The following AKAP10 variants were observed in gnomAD, a reference collection of about 807,000 sequenced individuals.
The protein encoded by AKAP10 is A-kinase anchoring protein 10.
Under a neutral mutation model 80.8 loss-of-function variants are expected in AKAP10, and 24 were observed. That is an observed-to-expected ratio of 0.30 (90% CI 0.22 to 0.42). AKAP10 has a LOEUF of 0.42. AKAP10 is among the 10% of genes least tolerant of loss of function. AKAP10 has a pLI of 1.00. For missense variants in AKAP10, 661 were observed against 794.9 expected, an observed-to-expected ratio of 0.83 and a Z score of 2.03; for synonymous variants, 291 against 277.7, an observed-to-expected ratio of 1.05 and a Z score of -0.48.
At chr17:19,915,078 G>T (rs1448521305) in intron 12 of AKAP10, among the ~76,000 whole-genome samples, 1 of 152,188 alleles carries the variant, frequency 6.6e-6, no homozygotes, top group Admixed American at 6.5e-5. Context: ...ATATTGAAAA[G>T]TAAAAGGCAC....
chr17:19,948,807 G>C (rs141452051), intron 4 of AKAP10, among the ~76,000 whole-genome samples: 1 of 152,208 alleles, frequency 6.6e-6, no homozygotes, highest in East Asian at 1.9e-4. Flanking sequence ...TTTGGGACCT[G>C]ACCATTGGCC....
intron 9 of AKAP10, among the ~76,000 whole-genome samples, chr17:19,935,633 ATTTG>A (rs1232647237): frequency 1.3e-5 from 2 of 151,444 alleles, no homozygotes; most frequent in Admixed American, 6.6e-5. Context: ...TTCTTTTTAA[ATTTG>A]TTTGTTAAAA....
In AKAP10 at chr17:19,941,960, T is replaced by A. The variant is rs759760107; in HGVS notation, c.977-50A>T. 4.5e-6 allele frequency: 7 copies of A among 1,540,762 alleles called. 1 individual carries two copies. In the South Asian group the frequency reaches 7.2e-5, roughly 16 times the overall value. On this transcript the variant is annotated intron_variant, in intron 5 of 14. Coordinates refer to ENST00000225737, the MANE Select transcript of AKAP10 (RefSeq NM_007202.4). ...AAATTGCCACTAAATTCAAACTATG[T>A]ATACACACTTGTGAATCAACTTGGG...
chr17:19,924,417 G>A lies in AKAP10; in HGVS notation c.1742C>T (p.Thr581Ile). ...SLDPESLYQR[T>I]YAGKMTFGRV... ...CATGAGCTAAGCTTACCCGGCATATGTCCGTTGATATAAAGATTCTGGATC... is the reference window on the plus strand; with the variant it reads ...CATGAGCTAAGCTTACCCGGCATATATCCGTTGATATAAAGATTCTGGATC... Residue 581 changes from threonine to isoleucine, a missense_variant, in exon 11 of 15, where the codon ACA becomes ATA. Thr to Ile is a moderately conservative substitution (Grantham distance 89). Transcript: ENST00000225737. 6.3e-7 allele frequency: 1 copy of A among 1,591,502 alleles called. No homozygotes were observed. Among genetic ancestry groups the A allele is most frequent in the East Asian group, 2.3e-5 (1 of 44,192 alleles).
chr17:19,919,542 G>C (rs2042787308), intron 12 of AKAP10, among the ~76,000 whole-genome samples: 1 of 151,934 alleles, frequency 6.6e-6, no homozygotes, highest in Non-Finnish European at 1.5e-5. Flanking sequence ...AAATTAGCCA[G>C]GTGTGGTGGT....
intron 1 of AKAP10, among the ~76,000 whole-genome samples, chr17:19,970,871 C>T (rs532405343): frequency 1.3e-5 from 2 of 151,902 alleles, no homozygotes; most frequent in East Asian, 1.9e-4. Flanking sequence ...CTTCCATGTA[C>T]GTTTTTTGAC....
intron 2 of AKAP10, among the ~76,000 whole-genome samples, chr17:19,966,360 G>A (rs2043418748): frequency 6.6e-6 from 1 of 151,960 alleles, no homozygotes; most frequent in African/African-American, 2.4e-5. Context: ...GGAATTACTT[G>A]ATTAATGTTC....
rs1236421354 is a variant in AKAP10, at chr17:19,968,836, GA to G, written c.89-376del. Among the ~76,000 whole-genome samples the G allele has an allele frequency of 7.9e-5, 12 of 151,960 alleles. No individual in the cohort carries two copies. The South Asian group carries it at 1.7e-3, about 21-fold the overall frequency. ...AAAACTACCTTAGAGGATTATTGAT[GA>G]AAAAAAATATATACCTGTAAGGGGC... is the stretch of plus-strand genomic sequence containing the variant. On this transcript the variant is annotated intron_variant, in intron 1 of 14. Transcript: ENST00000225737.
At chr17:19,948,359 G>C (rs1428039225) in intron 4 of AKAP10, among the ~76,000 whole-genome samples, 1 of 152,028 alleles carries the variant, frequency 6.6e-6, no homozygotes, top group Non-Finnish European at 1.5e-5. Context: ...TCCAAGACAG[G>C]CCCTCTATTT....
intron 11 of AKAP10, among the ~76,000 whole-genome samples, chr17:19,923,274 C>T (rs1198706639): frequency 2.0e-5 from 3 of 151,916 alleles, no homozygotes; most frequent in Admixed American, 6.6e-5. Flanking sequence ...GACGGGGTTT[C>T]ACCATGTTGC....
chr17:19,964,187 T>C (rs1204613454), intron 2 of AKAP10, among the ~76,000 whole-genome samples: 5 of 152,224 alleles, frequency 3.3e-5, no homozygotes, highest in Admixed American at 6.5e-5. Flanking sequence ...TAAGAGTCTA[T>C]AGGAATGGTG....
chr17:19,972,452 C>CTTTGT (rs763453098), intron 1 of AKAP10, among the ~76,000 whole-genome samples: 1 of 151,962 alleles, frequency 6.6e-6, no homozygotes, highest in Non-Finnish European at 1.5e-5. Flanking sequence ...AGGTTTTTTG[C>CTTTGT]TTTGTTTTGT....
chr17:19,944,632 C>T (rs1037008671), intron 5 of AKAP10, among the ~76,000 whole-genome samples: 39 of 152,070 alleles, frequency 2.6e-4, no homozygotes, highest in African/African-American at 8.9e-4. Flanking sequence ...TCCAGCCTGG[C>T]GAGAGTGAGA....
intron 14 of AKAP10, 104 bp downstream of exon 14, chr17:19,909,077 C>A: frequency 3.4e-6 from 3 of 880,222 alleles, no homozygotes; most frequent in East Asian, 5.4e-5. Context: ...GTAATCCCCA[C>A]AGCAGTTAAT....
chr17:19,921,583 C>T (rs1035250033), intron 11 of AKAP10, among the ~76,000 whole-genome samples: 2 of 151,708 alleles, frequency 1.3e-5, no homozygotes, highest in Non-Finnish European at 2.9e-5. Context: ...TGCCTGTAAC[C>T]CCAGCACTTT....
intron 2 of AKAP10, among the ~76,000 whole-genome samples, chr17:19,963,257 C>A (rs1314923542): frequency 1.3e-5 from 2 of 148,960 alleles, no homozygotes; most frequent in African/African-American, 2.5e-5. Context: ...GCTCTGTCAC[C>A]CAGGCTGGAG....
intron 12 of AKAP10, among the ~76,000 whole-genome samples, chr17:19,912,074 T>C (rs888988466): frequency 1.3e-5 from 2 of 152,112 alleles, no homozygotes; most frequent in African/African-American, 4.8e-5. Context: ...TGTAACTTCT[T>C]AAGTTATCTT....
At chr17:19,936,096 C>T (rs1490211723) in intron 9 of AKAP10, 190 bp downstream of exon 9, 2 of 496,700 alleles carry the variant, frequency 4.0e-6, no homozygotes, top group Non-Finnish European at 6.9e-6. Context: ...ACGCAGTCCA[C>T]TGTTGACTAA....
intron 4 of AKAP10, among the ~76,000 whole-genome samples, chr17:19,949,895 G>A (rs2043180385): frequency 6.6e-6 from 1 of 151,298 alleles, no homozygotes; most frequent in South Asian, 2.1e-4. Flanking sequence ...CATTCCACTT[G>A]AAGTTACAAA....
Sources: gnomAD v4.1 joint callset for allele counts (sites outside exome capture counted in the v4.1 genomes callset) on GRCh38, gnomAD v4.1.1 for gene constraint, MANE v1.5 for transcripts, NCBI Gene and HGNC (gene_info 2026-07-23, HGNC 2026-07-21) for gene names.